Variants in LDB2 observed in about 807,000 individuals in gnomAD.
LDB2 encodes the protein LIM domain binding 2, also known as LIM domain-binding protein 2.
A neutral mutation model predicts 44.3 loss-of-function variants in LDB2; 12 were observed. The ratio of observed to expected loss-of-function variants is 0.27; its 90% CI spans 0.17 to 0.44. The LOEUF (loss-of-function observed/expected upper bound fraction) is 0.44, where lower values mean the gene tolerates loss of function less well. Ranked by LOEUF, LDB2 falls within the 20% of genes least tolerant of loss-of-function variation. The pLI, the probability that LDB2 is intolerant of heterozygous loss-of-function variation, is 1.00. For missense variants in LDB2, 344 were observed against 473.5 expected, an observed-to-expected ratio of 0.73 and a Z score of 2.54; for synonymous variants, 164 against 174.8, an observed-to-expected ratio of 0.94 and a Z score of 0.49.
At chr4:16,646,679 T>C (rs910543172) in intron 2 of LDB2, among the ~76,000 whole-genome samples, 2 of 152,152 alleles carry the variant, frequency 1.3e-5, no homozygotes, top group Admixed American at 6.5e-5. Context: ...AAGAAATCAA[T>C]ATTTGTCCTT....
intron 2 of LDB2, among the ~76,000 whole-genome samples, chr4:16,667,304 C>T (rs1266179828): frequency 6.6e-5 from 10 of 152,176 alleles, no homozygotes; most frequent in Admixed American, 3.9e-4. Flanking sequence ...AGGAAGTGAG[C>T]GTGTGCAGAG....
At chr4:16,812,663 G>GTGTGTGTGTGTA (rs1780129299) in intron 1 of LDB2, among the ~76,000 whole-genome samples, 2 of 147,192 alleles carry the variant, frequency 1.4e-5, no homozygotes, top group Non-Finnish European at 3.0e-5. Flanking sequence ...GTGTGTGTGT[G>GTGTGTGTGTGTA]TATTTAAACT....
chr4:16,778,674 T>C (rs146764200), intron 1 of LDB2, among the ~76,000 whole-genome samples: 4 of 152,306 alleles, frequency 2.6e-5, no homozygotes, highest in African/African-American at 9.6e-5. Context: ...TAGCTCGCCA[T>C]TTTGAAGTGT....
intron 1 of LDB2, among the ~76,000 whole-genome samples, chr4:16,828,758 T>A (rs1783523454): frequency 6.6e-6 from 1 of 152,118 alleles, no homozygotes; most frequent in Admixed American, 6.5e-5. Context: ...AGAAAAAGTG[T>A]GACTTAAGGA....
chr4:16,847,525 C>T (rs2110154933), intron 1 of LDB2, among the ~76,000 whole-genome samples: 1 of 152,396 alleles, frequency 6.6e-6, no homozygotes, highest in South Asian at 2.1e-4. Context: ...ACCTAAACCT[C>T]TTGCAATAAC....
chr4:16,656,578 C>T (rs796524310), intron 2 of LDB2, among the ~76,000 whole-genome samples: 13 of 152,310 alleles, frequency 8.5e-5, no homozygotes, highest in African/African-American at 2.9e-4. Context: ...AATACTTTTC[C>T]ACCAAGCATG....
chr4:16,539,079 T>C (rs1423818739), intron 5 of LDB2, among the ~76,000 whole-genome samples: 1 of 151,218 alleles, frequency 6.6e-6, no homozygotes, highest in Non-Finnish European at 1.5e-5. Context: ...GGTTAAGTGA[T>C]ATGTAGGCAA....
intron 2 of LDB2, among the ~76,000 whole-genome samples, chr4:16,713,604 A>G (rs1041350220): frequency 1.3e-5 from 2 of 152,106 alleles, no homozygotes; most frequent in Non-Finnish European, 2.9e-5. Context: ...TAAAAGCTTT[A>G]TTAGGTTGGG....
At chr4:16,893,242 T>A (rs1194935348) in intron 1 of LDB2, 2 of 150,400 alleles carry the variant, frequency 1.3e-5, no homozygotes, top group African/African-American at 5.1e-5. Context: ...TGCAAAGTTC[T>A]GTTTTTAACA....
At chr4:16,605,883 T>C (rs903164411) in intron 2 of LDB2, among the ~76,000 whole-genome samples, 1 of 152,170 alleles carries the variant, frequency 6.6e-6, no homozygotes, top group African/African-American at 2.4e-5. Context: ...GAGGGGGAAC[T>C]GCCACATTTG....
At chr4:16,871,854 G>A (rs764947606) in intron 1 of LDB2, among the ~76,000 whole-genome samples, 4 of 151,818 alleles carry the variant, frequency 2.6e-5, no homozygotes, top group South Asian at 2.1e-4. Flanking sequence ...ATTCCTGACC[G>A]CAGATGATCC....
At chr4:16,659,877 G>T (rs546082894) in intron 2 of LDB2, among the ~76,000 whole-genome samples, 3 of 152,094 alleles carry the variant, frequency 2.0e-5, no homozygotes, top group South Asian at 2.1e-4. Context: ...TCCTTACAAA[G>T]GCTTTTGTAA....
chr4:16,764,525 C>T (rs201993053), intron 1 of LDB2, among the ~76,000 whole-genome samples: 2 of 109,844 alleles, frequency 1.8e-5, no homozygotes, highest in Admixed American at 2.0e-4. Flanking sequence ...ACAATCACTA[C>T]AAAAAAAAAA....
chr4:16,845,194 G>A (rs552071641), intron 1 of LDB2, among the ~76,000 whole-genome samples: 1 of 152,270 alleles, frequency 6.6e-6, no homozygotes, highest in African/African-American at 2.4e-5. Flanking sequence ...GGCTTTCCAG[G>A]GGAGAAGTGG....
intron 1 of LDB2, among the ~76,000 whole-genome samples, chr4:16,881,905 A>G (rs544928612): frequency 6.6e-6 from 1 of 152,278 alleles, no homozygotes; most frequent in Non-Finnish European, 1.5e-5. Context: ...ATGTTTACGC[A>G]GTCTAATTCC....
chr4:16,821,764 A>AAAAAAAAT (rs1782110018), intron 1 of LDB2, among the ~76,000 whole-genome samples: 1 of 150,262 alleles, frequency 6.7e-6, no homozygotes, highest in African/African-American at 2.4e-5. Context: ...AAAAAAAAAA[A>AAAAAAAAT]AAAAAATCAG....
intron 1 of LDB2, among the ~76,000 whole-genome samples, chr4:16,774,956 T>C (rs77278583): frequency 0.028 from 4,253 of 152,204 alleles, 179 homozygotes; most frequent in African/African-American, 0.094. Flanking sequence ...ACACTAGAAG[T>C]AATAAACGAA....
At chr4:16,794,757 T>C (rs1776398014) in intron 1 of LDB2, among the ~76,000 whole-genome samples, 9 of 152,220 alleles carry the variant, frequency 5.9e-5, no homozygotes, top group Admixed American at 5.9e-4. Context: ...AAATGACAAT[T>C]TTGGATGGGG....
chr4:16,596,939 G>A (rs1447128877), intron 2 of LDB2, among the ~76,000 whole-genome samples: 2 of 152,046 alleles, frequency 1.3e-5, no homozygotes, highest in Non-Finnish European at 2.9e-5. Flanking sequence ...GCACTCTCAA[G>A]CAATCCAAGG....
Sources: allele counts gnomAD v4.1 joint callset (sites outside exome capture counted in the v4.1 genomes callset), GRCh38; gene constraint gnomAD v4.1.1; transcripts MANE v1.5; gene names NCBI Gene and HGNC (gene_info 2026-07-23, HGNC 2026-07-21).